The following HNRNPR variants were observed in gnomAD, a reference collection of about 807,000 sequenced individuals.
HNRNPR encodes heterogeneous nuclear ribonucleoprotein R.
HNRNPR carries 4 observed loss-of-function variants against 70.3 expected under a neutral mutation model. The observed-to-expected ratio is 0.06, with a 90% CI of 0.03 to 0.13. The LOEUF (loss-of-function observed/expected upper bound fraction) is 0.13, where lower values mean the gene tolerates loss of function less well. Ranked by LOEUF, HNRNPR falls within the 10% of genes least tolerant of loss-of-function variation. The pLI, the probability that HNRNPR is intolerant of heterozygous loss-of-function variation, is 1.00. For synonymous variants in HNRNPR, 241 were observed against 267.6 expected, an observed-to-expected ratio of 0.90 and a Z score of 0.97; for missense variants, 423 against 788.5, an observed-to-expected ratio of 0.54 and a Z score of 5.55.
chr1:23,341,146 T>A (rs1329537482), intron 1 of HNRNPR, 129 bp from the exon 2 acceptor site: 4 of 654,640 alleles, frequency 6.1e-6, no homozygotes, highest in Non-Finnish European at 1.0e-5. Flanking sequence ...AATAATTTAT[T>A]CCTCCTGTGA....
At chr1:23,322,300 A>T (rs1490777931) in intron 6 of HNRNPR, among the ~76,000 whole-genome samples, 1 of 151,190 alleles carries the variant, frequency 6.6e-6, no homozygotes, top group Non-Finnish European at 1.5e-5. Flanking sequence ...CAGTAGCATG[A>T]TCTTTGCTCA....
Position 23,318,742 on chromosome 1 carries a change from C to A in HNRNPR, c.812-54G>T, listed in dbSNP as rs766028817. 6.4e-7 allele frequency: 1 copy of A among 1,560,726 alleles called. No individual in the cohort carries two copies. The stretch of plus-strand genomic sequence containing the variant: ...CCAAAAGCATCCACCACACATCTAG[C>A]GATTAGGCAGACCTAAATCCACTTG... On this transcript the variant is annotated intron_variant, in intron 7 of 10. Transcript: ENST00000302271. The surrounding 1 kb of genome is among the most constrained non-coding windows in gnomAD (Gnocchi z 4.2).
intron 4 of HNRNPR, among the ~76,000 whole-genome samples, chr1:23,335,913 C>G (rs1398390113): frequency 7.4e-6 from 1 of 134,390 alleles, no homozygotes; most frequent in Non-Finnish European, 1.6e-5. Flanking sequence ...GTCAGGAGAT[C>G]GAGACCATCC....
intron 3 of HNRNPR, 182 bp downstream of exon 3, chr1:23,338,308 C>A: frequency 2.5e-6 from 1 of 407,386 alleles, no homozygotes; most frequent in Non-Finnish European, 4.4e-6. Context: ...TGGGAGAAAA[C>A]TTTTGCTTTA....
At chr1:23,324,190 AATG>A (rs1645869465) in intron 5 of HNRNPR, among the ~76,000 whole-genome samples, 1 of 151,732 alleles carries the variant, frequency 6.6e-6, no homozygotes. Flanking sequence ...TAAAAATAAA[AATG>A]AATAAAAATA....
rs1001563268 is a variant in HNRNPR at position 23,304,779 on chromosome 1, A to T, written c.*5675T>A. The T allele has an allele frequency of 1.3e-5, 2 of 152,170 alleles. No homozygotes were observed. Among genetic ancestry groups the T allele is most frequent in the African/African-American group, 4.8e-5 (2 of 41,424 alleles). 9.4% of individuals were successfully genotyped at this position (152,170 alleles called of 1,614,324 possible). A position where few individuals can be genotyped will look rare whatever the true frequency, so the allele number is the denominator to read the frequency against. On this transcript the variant is annotated 3_prime_UTR_variant, in exon 11 of 11. Coordinates refer to ENST00000302271, the MANE Select transcript of HNRNPR (RefSeq NM_005826.5). ...ACATGAACACTGTACCAAAAGCATG[A>T]TTTTTATTAAACTGATGATTAAATG...
intron 6 of HNRNPR, among the ~76,000 whole-genome samples, chr1:23,323,101 G>T (rs961806035): frequency 4.6e-5 from 7 of 152,164 alleles, no homozygotes; most frequent in African/African-American, 1.4e-4. Context: ...CGTATGAGTA[G>T]GCTGTAACCA....
chr1:23,317,455 CA>C (rs955990555), intron 8 of HNRNPR, among the ~76,000 whole-genome samples: 1 of 149,626 alleles, frequency 6.7e-6, no homozygotes, highest in Non-Finnish European at 1.5e-5. Context: ...GACTCCATCT[CA>C]AAAAAAAAGA....
chr1:23,324,152 T>C (rs952611606), intron 5 of HNRNPR, among the ~76,000 whole-genome samples: 12 of 151,338 alleles, frequency 7.9e-5, no homozygotes, highest in Admixed American at 1.3e-4. Flanking sequence ...ATTTCTATTA[T>C]TTAAAATTAA....
chr1:23,311,023 G>A lies in HNRNPR; in HGVS notation c.1333C>T (p.Pro445Ser), dbSNP rs201334404. The A allele has an allele frequency of 6.2e-7, 1 of 1,614,160 alleles. No homozygotes were observed. The highest frequency in any genetic ancestry group is 2.2e-5 in the East Asian group (1 of 44,882). ...CCACCACGACCCCGACCTCTAATTGGAGGTGGCATGCGAGGAGGAGGGTGG... is the reference window on the plus strand; with the variant it reads ...CCACCACGACCCCGACCTCTAATTGAAGGTGGCATGCGAGGAGGAGGGTGG... Reference protein sequence around the residue: ...YYHPPPRMPPPIRGRGRGGGR... With the variant: ...YYHPPPRMPPSIRGRGRGGGR... The change falls in exon 11 of 11, where the codon CCA becomes TCA. Residue 445 changes from proline to serine, a missense_variant. This residue lies in a region of HNRNPR where 169 missense variants were observed against 195.6 expected (regional missense o/e 0.86). Coordinates refer to ENST00000302271, the MANE Select transcript of HNRNPR (RefSeq NM_005826.5).
rs1039786103 is a variant in HNRNPR at position 23,318,930 on chromosome 1, C to T, written c.812-242G>A. Reference sequence around the variant, plus strand: ...CCATATACAACAAATCTACTATATTCTGACATTTAACATGCTACAATGTTT... The same window carrying T: ...CCATATACAACAAATCTACTATATTTTGACATTTAACATGCTACAATGTTT... On this transcript the variant is annotated intron_variant, in intron 7 of 10. Transcript: ENST00000302271. This position sits in a 1 kb window ranked among gnomAD's most constrained non-coding sequence, Gnocchi z 4.2. Among the ~76,000 whole-genome samples the T allele has an allele frequency of 2.0e-5, 3 of 152,140 alleles. No homozygotes were observed. The highest frequency in any genetic ancestry group is 1.3e-4 in the Admixed American group (2 of 15,282).
rs1645494916 is a variant in HNRNPR, at chr1:23,315,299, A to AC, written c.1018-1598_1018-1597insG. On this transcript the variant is annotated intron_variant, in intron 8 of 10. Coordinates refer to ENST00000302271, the MANE Select transcript of HNRNPR (RefSeq NM_005826.5). ...CGTCTCAAAAAAAAAAAAAAAAAAA[A>AC]AAAAAACAAAAACCCAAAAAATGAA... 6.6e-5 allele frequency among the ~76,000 whole-genome samples: 10 copies of AC among 150,426 alleles called. 1 individual carries two copies. Among genetic ancestry groups the AC allele is most frequent in the Admixed American group, 2.0e-4 (3 of 15,176 alleles).
At chr1:23,331,436 C>T (rs570288264) in intron 5 of HNRNPR, among the ~76,000 whole-genome samples, 3 of 137,142 alleles carry the variant, frequency 2.2e-5, no homozygotes, top group African/African-American at 5.4e-5. Flanking sequence ...CTGGGCTTCA[C>T]TTTGGGAGGC....
At chr1:23,330,923 C>G (rs566973468) in intron 5 of HNRNPR, among the ~76,000 whole-genome samples, 1 of 152,154 alleles carries the variant, frequency 6.6e-6, no homozygotes, top group Non-Finnish European at 1.5e-5. Flanking sequence ...TCAAAAATCA[C>G]AATTAAAACC....
intron 1 of HNRNPR, among the ~76,000 whole-genome samples, chr1:23,343,985 C>T (rs1646812409): frequency 6.6e-6 from 1 of 152,080 alleles, no homozygotes; most frequent in South Asian, 2.1e-4. Context: ...GGCCGGACCG[C>T]GGGCTAAAGG....
Position 23,309,887 on chromosome 1 carries a change from A to G in HNRNPR, c.*567T>C, listed in dbSNP as rs1202282780. 1 of 152,800 alleles carries G rather than the reference A, an allele frequency of 6.5e-6. No individual in the cohort carries two copies. Among genetic ancestry groups the G allele is most frequent in the East Asian group, 1.9e-4 (1 of 5,196 alleles). The allele number at this position is 152,800 out of a possible 1,614,324, so 9.5% of individuals were successfully genotyped here. A position where few individuals can be genotyped will look rare whatever the true frequency, so the allele number is the denominator to read the frequency against. ...AAATTGTCACGGCTTTTGACGTTTA[A>G]GCCAAACAAATTTTGTAGGGCAGAT... On this transcript the variant is annotated 3_prime_UTR_variant, in exon 11 of 11. Transcript: ENST00000302271.
At chr1:23,338,711 C>T (rs377076260) in intron 2 of HNRNPR, 103 bp from the exon 3 acceptor site, 1 of 553,118 alleles carries the variant, frequency 1.8e-6, no homozygotes, top group Admixed American at 3.0e-5. Context: ...TGATCACTAA[C>T]AAACTGTATT....
rs186720475 is a variant in HNRNPR, at chr1:23,322,916, T to G, written c.675+640A>C. Among the ~76,000 whole-genome samples, 129 of 152,286 alleles carry G rather than the reference T, an allele frequency of 8.5e-4. 2 individuals carry two copies. Among genetic ancestry groups the G allele is most frequent in the African/African-American group, 2.9e-3 (121 of 41,542 alleles). ...CATTTGATTTGCAGAACTTTGTTGC[T>G]ACTACTACTGGTCTGAAATGAGCAC... is the stretch of plus-strand genomic sequence containing the variant. On this transcript the variant is annotated intron_variant, in intron 6 of 10. Transcript: ENST00000302271.
chr1:23,321,790 T>C (rs1411563275), intron 6 of HNRNPR, 127 bp from the exon 7 acceptor site: 4 of 825,122 alleles, frequency 4.8e-6, no homozygotes, highest in East Asian at 2.6e-5. Context: ...AGTTCCCTCA[T>C]GCTTTCCATA....
Sources: allele counts gnomAD v4.1 joint callset (sites outside exome capture counted in the v4.1 genomes callset), GRCh38; gene constraint gnomAD v4.1.1; regional missense constraint gnomAD v4.1.1; non-coding constraint Gnocchi (gnomAD v3.1); transcripts MANE v1.5; gene names NCBI Gene and HGNC (gene_info 2026-07-23, HGNC 2026-07-21).